FRMPD4: variants seen among roughly 807,000 people sequenced by gnomAD.
FRMPD4 encodes FERM and PDZ domain containing 4.
In FRMPD4, 22 loss-of-function variants were observed where a neutral mutation model predicts 94.1. The ratio of observed to expected loss-of-function variants is 0.23; its 90% CI spans 0.17 to 0.33. The LOEUF (loss-of-function observed/expected upper bound fraction) is 0.33. Ranked by LOEUF, FRMPD4 falls within the 10% of genes least tolerant of loss-of-function variation. The probability of loss-of-function intolerance (pLI) is 1.00; values close to 1 mark genes in which losing one functional copy is unlikely to be tolerated. For missense variants in FRMPD4, 1,111 were observed against 1,339.9 expected (o/e 0.83, Z 2.67); for synonymous variants, 631 against 548.6 (o/e 1.15, Z -2.10).
chrX:12,495,480 C>T (rs2057838556), intron 1 of FRMPD4, among the ~76,000 whole-genome samples: 1 of 111,111 alleles, frequency 9.0e-6, no homozygotes, highest in Non-Finnish European at 1.9e-5. Context: ...TGGTTCTAAC[C>T]CAGTGTTTCT....
intron 2 of FRMPD4, among the ~76,000 whole-genome samples, chrX:12,580,791 A>C (rs1455737027): frequency 8.9e-6 from 1 of 111,936 alleles, no homozygotes; most frequent in Non-Finnish European, 1.9e-5. Context: ...AGGAGCAGAC[A>C]ATGTCAATGA....
chrX:12,204,876 C>T (rs772043147), intron 1 of FRMPD4, among the ~76,000 whole-genome samples: 10 of 110,934 alleles, frequency 9.0e-5, no homozygotes, highest in Non-Finnish European at 1.3e-4. Flanking sequence ...TGCCATCTCC[C>T]GCATTCCCAG....
chrX:12,665,266 C>T (rs2059763471), intron 4 of FRMPD4, among the ~76,000 whole-genome samples: 1 of 111,205 alleles, frequency 9.0e-6, no homozygotes, highest in African/African-American at 3.3e-5. Flanking sequence ...CACGAAGAAA[C>T]CCCATCTCTA....
intron 4 of FRMPD4, among the ~76,000 whole-genome samples, chrX:12,635,937 C>T (rs1240428778): frequency 1.8e-5 from 2 of 111,852 alleles, no homozygotes; most frequent in African/African-American, 3.3e-5. Flanking sequence ...CTCCACATGC[C>T]AAGGTACTTT....
intron 1 of FRMPD4, among the ~76,000 whole-genome samples, chrX:12,382,472 CTAGCATAGCA>C (rs201285510): frequency 1.9e-4 from 15 of 80,878 alleles, no homozygotes; most frequent in African/African-American, 5.8e-4. Flanking sequence ...GGTGACTCTC[CTAGCATAGCA>C]TAGCATAGCA....
chrX:12,006,354 C>A (rs1217905049), intron 3 of FRMPD4, among the ~76,000 whole-genome samples: 1 of 112,216 alleles, frequency 8.9e-6, no homozygotes, highest in Non-Finnish European at 1.9e-5. Context: ...TAGATATCAT[C>A]TTATATTGAA....
At chrX:12,298,126 G>A (rs1403235306) in intron 1 of FRMPD4, among the ~76,000 whole-genome samples, 1 of 111,969 alleles carries the variant, frequency 8.9e-6, no homozygotes, top group Non-Finnish European at 1.9e-5. Flanking sequence ...AAGATTAAAA[G>A]TAACCAGGTT....
At chrX:12,330,462 G>C (rs1339244069) in intron 1 of FRMPD4, among the ~76,000 whole-genome samples, 1 of 111,374 alleles carries the variant, frequency 9.0e-6, no homozygotes, top group Non-Finnish European at 1.9e-5. Flanking sequence ...TTCCAAAGTA[G>C]GTTGCCTGAA....
At chrX:12,546,177 C>CTTT (rs11321204) in intron 2 of FRMPD4, among the ~76,000 whole-genome samples, 2 of 91,940 alleles carry the variant, frequency 2.2e-5, no homozygotes, top group Non-Finnish European at 2.2e-5. Context: ...TGCCAACTGT[C>CTTT]TTTTTTTTTT....
chrX:12,662,802 A>G (rs977133128), intron 4 of FRMPD4, among the ~76,000 whole-genome samples: 1 of 112,155 alleles, frequency 8.9e-6, no homozygotes, highest in African/African-American at 3.2e-5. Flanking sequence ...GGTTGAACTA[A>G]TTTACACTCC....
intron 1 of FRMPD4, among the ~76,000 whole-genome samples, chrX:11,847,679 A>G (rs1394781474): frequency 6.3e-5 from 7 of 110,577 alleles, no homozygotes; most frequent in Admixed American, 5.8e-4. Context: ...TGGCACATAT[A>G]TACCATGGAA....
intron 1 of FRMPD4, among the ~76,000 whole-genome samples, chrX:12,439,462 G>A (rs1164123005): frequency 9.0e-6 from 1 of 111,091 alleles, no homozygotes; most frequent in Non-Finnish European, 1.9e-5. Flanking sequence ...TACGGGATTC[G>A]AACCTAGGTG....
intron 4 of FRMPD4, among the ~76,000 whole-genome samples, chrX:12,651,455 T>C (rs773911557): frequency 2.7e-4 from 30 of 109,882 alleles, no homozygotes; most frequent in Non-Finnish European, 5.1e-4. Context: ...AATTTGTCCT[T>C]ACAACAATCC....
chrX:12,305,078 T>C (rs1194830902), intron 1 of FRMPD4, among the ~76,000 whole-genome samples: 1 of 112,392 alleles, frequency 8.9e-6, no homozygotes, highest in Non-Finnish European at 1.9e-5. Flanking sequence ...ACAGTTCTTA[T>C]GAGGATTTTT....
chrX:12,166,668 A>G lies in FRMPD4; in HGVS notation c.41+27656A>G, dbSNP rs749128638. On this transcript the variant is annotated intron_variant, in intron 1 of 16. Coordinates refer to ENST00000675598, the MANE Select transcript of FRMPD4 (RefSeq NM_001368397.1). ...TACCTCTGGTAGAATTCGGCTGTGA[A>G]TCCATCTGGTCCTGGACTTTTTTTG... is the stretch of plus-strand genomic sequence containing the variant. 2.7e-3 allele frequency among the ~76,000 whole-genome samples: 296 copies of G among 111,249 alleles called. 1 individual carries two copies. The highest frequency in any genetic ancestry group is 9.3e-3 in the African/African-American group (286 of 30,630).
intron 5 of FRMPD4, among the ~76,000 whole-genome samples, chrX:12,677,599 C>G (rs1462357374): frequency 3.6e-5 from 4 of 111,936 alleles, no homozygotes; most frequent in African/African-American, 6.5e-5. Context: ...ATAAGTTCTA[C>G]TTTTATTACA....
intron 1 of FRMPD4, among the ~76,000 whole-genome samples, chrX:11,848,295 T>G (rs1205511500): frequency 9.0e-6 from 1 of 111,351 alleles, no homozygotes; most frequent in Non-Finnish European, 1.9e-5. Context: ...TTGTGGCTGT[T>G]GATGTCTCTG....
In FRMPD4 at chrX:12,560,089, GCT is replaced by G. The variant is rs1229404222; in HGVS notation, c.159-49628_159-49627del. ...AACCTACTGAAAAAATATTGGTTTA[GCT>G]CTCACAATAAAATATTAGACATTAT... On this transcript the variant is annotated intron_variant, in intron 2 of 16. Coordinates refer to ENST00000675598, the MANE Select transcript of FRMPD4 (RefSeq NM_001368397.1). Among the ~76,000 whole-genome samples, 36 of 111,971 alleles carry G rather than the reference GCT, an allele frequency of 3.2e-4. 2 individuals carry two copies.
chrX:12,139,019 G>A lies in FRMPD4; in HGVS notation c.41+7G>A. The A allele has an allele frequency of 2.6e-6, 3 of 1,151,994 alleles. No homozygotes were observed. In the South Asian group the frequency reaches 6.4e-5, roughly 24 times the overall value. 94.9% of individuals were successfully genotyped at this position (1,151,994 alleles called of 1,213,427 possible). ...AGATTGCAAAGCTTTCGAGGTAGGG[G>A]CTGCGCGGGTTCCGTTTGCACCCAG... On this transcript the variant is annotated splice_region_variant and intron_variant, in intron 1 of 16. Transcript: ENST00000675598.
Sources: gnomAD v4.1 joint callset for allele counts (sites outside exome capture counted in the v4.1 genomes callset) on GRCh38, gnomAD v4.1.1 for gene constraint, MANE v1.5 for transcripts, NCBI Gene and HGNC (gene_info 2026-07-23, HGNC 2026-07-21) for gene names.